PLCL1: variants seen among roughly 807,000 people sequenced by gnomAD.
PLCL1 encodes inactive phospholipase C-like protein 1.
A neutral mutation model predicts 84.4 loss-of-function variants in PLCL1; 41 were observed. The observed-to-expected ratio is 0.49, with a 90% CI of 0.38 to 0.63. The LOEUF (loss-of-function observed/expected upper bound fraction) is 0.63. Ranked by LOEUF, PLCL1 falls within the 30% of genes least tolerant of loss-of-function variation. PLCL1 has a pLI of 0.00. For missense variants in PLCL1, 1,206 were observed against 1,367.8 expected (o/e 0.88, Z 1.87); for synonymous variants, 490 against 488.3 (o/e 1.00, Z -0.05).
intron 1 of PLCL1, among the ~76,000 whole-genome samples, chr2:198,020,311 T>C (rs1367034355): frequency 6.6e-6 from 1 of 152,134 alleles, no homozygotes; most frequent in Non-Finnish European, 1.5e-5. Flanking sequence ...CCATTGACAG[T>C]ATGAAGAAAC....
At chr2:197,806,320 A>G (rs1226264778) in intron 1 of PLCL1, among the ~76,000 whole-genome samples, 2 of 152,178 alleles carry the variant, frequency 1.3e-5, no homozygotes, top group African/African-American at 2.4e-5. Context: ...ACATCCCTCA[A>G]TGACAATGAA....
chr2:198,023,583 G>A lies in PLCL1; in HGVS notation c.241-60175G>A, dbSNP rs192364014. Reference sequence around the variant, plus strand: ...AAAACAACCCCATCAAAAAGTGGGCGAAGGATATGGACAGACGCTTTTCAA... The same window carrying A: ...AAAACAACCCCATCAAAAAGTGGGCAAAGGATATGGACAGACGCTTTTCAA... On this transcript the variant is annotated intron_variant, in intron 1 of 5. Coordinates refer to ENST00000428675, the MANE Select transcript of PLCL1 (RefSeq NM_006226.4). Among the ~76,000 whole-genome samples, 16 of 152,290 alleles carry A rather than the reference G, an allele frequency of 1.1e-4. No individual in the cohort carries two copies. In the East Asian group the frequency reaches 2.5e-3, roughly 24 times the overall value.
chr2:197,948,613 G>C (rs1689328765), intron 1 of PLCL1, among the ~76,000 whole-genome samples: 1 of 152,016 alleles, frequency 6.6e-6, no homozygotes, highest in African/African-American at 2.4e-5. Context: ...TTAAACCTGT[G>C]AGCATAGTGG....
intron 1 of PLCL1, among the ~76,000 whole-genome samples, chr2:198,053,041 G>C (rs1691980078): frequency 6.6e-6 from 1 of 152,216 alleles, no homozygotes. Flanking sequence ...TTTTAGGTCT[G>C]AGAGACCTTC....
At chr2:198,058,333 G>A (rs189705903) in intron 1 of PLCL1, among the ~76,000 whole-genome samples, 41 of 151,972 alleles carry the variant, frequency 2.7e-4, no homozygotes, top group African/African-American at 9.9e-4. Context: ...TTTAATCAAA[G>A]GCTGCATCCC....
chr2:198,021,769 A>G (rs1691139570), intron 1 of PLCL1, among the ~76,000 whole-genome samples: 1 of 152,204 alleles, frequency 6.6e-6, no homozygotes, highest in Non-Finnish European at 1.5e-5. Flanking sequence ...ACCAACCAAA[A>G]AAAAGACCAG....
intron 1 of PLCL1, among the ~76,000 whole-genome samples, chr2:198,046,441 A>T (rs777633101): frequency 3.3e-5 from 5 of 152,236 alleles, no homozygotes; most frequent in Non-Finnish European, 7.3e-5. Flanking sequence ...GACGCAGAAG[A>T]CGGGTGATTT....
Position 198,148,957 on chromosome 2 carries a change from C to G in PLCL1, c.*1995C>G, listed in dbSNP as rs1694586438. On this transcript the variant is annotated 3_prime_UTR_variant, in exon 6 of 6. Transcript: ENST00000428675. ...AGCTCTACTCACACTTAGGACCCACCCAAAAATTCTCAAAAACGTAATATG... is the reference window on the plus strand; with the variant it reads ...AGCTCTACTCACACTTAGGACCCACGCAAAAATTCTCAAAAACGTAATATG... 6.6e-6 allele frequency: 1 copy of G among 152,252 alleles called. No individual in the cohort carries two copies. Among genetic ancestry groups the G allele is most frequent in the Non-Finnish European group, 1.5e-5 (1 of 68,030 alleles). The allele number at this position is 152,252 out of a possible 1,614,324, so 9.4% of individuals were successfully genotyped here.
intron 1 of PLCL1, among the ~76,000 whole-genome samples, chr2:197,893,735 C>T (rs1042482328): frequency 1.3e-5 from 2 of 149,320 alleles, no homozygotes; most frequent in African/African-American, 4.8e-5. Flanking sequence ...CTGGGCTTTA[C>T]GTGGCTACTT....
At chr2:197,867,408 C>T (rs1344517834) in intron 1 of PLCL1, among the ~76,000 whole-genome samples, 1 of 151,108 alleles carries the variant, frequency 6.6e-6, no homozygotes, top group East Asian at 1.9e-4. Context: ...TACTATAAGT[C>T]CGCTGGTCTT....
At chr2:197,978,304 G>T (rs1014423322) in intron 1 of PLCL1, among the ~76,000 whole-genome samples, 1 of 151,964 alleles carries the variant, frequency 6.6e-6, no homozygotes, top group Non-Finnish European at 1.5e-5. Flanking sequence ...GTGAAACCCC[G>T]TCTCTACTAA....
intron 1 of PLCL1, among the ~76,000 whole-genome samples, chr2:197,843,881 T>C (rs1168437253): frequency 1.3e-5 from 2 of 152,190 alleles, no homozygotes; most frequent in African/African-American, 4.8e-5. Flanking sequence ...ACATTAATCA[T>C]GGATTTCTGA....
intron 1 of PLCL1, among the ~76,000 whole-genome samples, chr2:197,989,588 T>C (rs1574228259): frequency 6.6e-6 from 1 of 152,082 alleles, no homozygotes; most frequent in East Asian, 1.9e-4. Context: ...AAAAGTGTTT[T>C]GGTTACTCTG....
In PLCL1 at chr2:197,886,411, C is replaced by CAAAAAAAA; in HGVS notation, c.240+81106_240+81113dup. Among the ~76,000 whole-genome samples, 182 of 77,034 alleles carry CAAAAAAAA rather than the reference C, an allele frequency of 2.4e-3. 12 individuals are homozygous for CAAAAAAAA. Among genetic ancestry groups the CAAAAAAAA allele is most frequent in the East Asian group, 3.7e-3 (5 of 1,350 alleles). The allele number at this position is 77,034 out of a possible 152,430, so 50.5% of individuals were successfully genotyped here. A position where few individuals can be genotyped will look rare whatever the true frequency, so the allele number is the denominator to read the frequency against. On this transcript the variant is annotated intron_variant, in intron 1 of 5. Coordinates refer to ENST00000428675, the MANE Select transcript of PLCL1 (RefSeq NM_006226.4). ...TGGGCAACAGAATGAGACTCTGTCT[C>CAAAAAAAA]AAAAAAAAAAAAAAAAAAAAAAAAA...
intron 1 of PLCL1, among the ~76,000 whole-genome samples, chr2:198,043,689 A>G (rs1691720206): frequency 6.6e-6 from 1 of 152,126 alleles, no homozygotes; most frequent in African/African-American, 2.4e-5. Flanking sequence ...TAGTGTTCTC[A>G]GGAAGAGGTT....
chr2:198,092,126 G>A (rs1300585589), intron 3 of PLCL1, among the ~76,000 whole-genome samples: 2 of 150,904 alleles, frequency 1.3e-5, no homozygotes, highest in African/African-American at 2.4e-5. Context: ...TCACCTGCCA[G>A]TCCAGCCTCA....
At chr2:197,842,112 T>A (rs1687016846) in intron 1 of PLCL1, among the ~76,000 whole-genome samples, 1 of 152,174 alleles carries the variant, frequency 6.6e-6, no homozygotes, top group Non-Finnish European at 1.5e-5. Context: ...CTGTTAAATT[T>A]TGTGTCAAAA....
chr2:198,060,889 G>A lies in PLCL1; in HGVS notation c.241-22869G>A, dbSNP rs74779329. On this transcript the variant is annotated intron_variant, in intron 1 of 5. Transcript: ENST00000428675. ...AAATGAACATAAGGAATGTTAATCGGATTGTCTCAGGATCAATGCACTGAT... is the reference window on the plus strand; with the variant it reads ...AAATGAACATAAGGAATGTTAATCGAATTGTCTCAGGATCAATGCACTGAT... Among the ~76,000 whole-genome samples the A allele has an allele frequency of 3.1e-3, 469 of 152,206 alleles. 2 individuals are homozygous for A. Among genetic ancestry groups the A allele is most frequent in the African/African-American group, 0.011 (441 of 41,520 alleles).
At chr2:197,981,864 G>A (rs1221743329) in intron 1 of PLCL1, among the ~76,000 whole-genome samples, 1 of 152,182 alleles carries the variant, frequency 6.6e-6, no homozygotes, top group Non-Finnish European at 1.5e-5. Context: ...GGAGAGGCCA[G>A]CTGTCTTATC....
Sources: allele counts gnomAD v4.1 joint callset (sites outside exome capture counted in the v4.1 genomes callset), GRCh38; gene constraint gnomAD v4.1.1; transcripts MANE v1.5; gene names NCBI Gene and HGNC (gene_info 2026-07-23, HGNC 2026-07-21).